The following SEMA3A variants were observed in gnomAD, a reference collection of about 807,000 sequenced individuals.
SEMA3A encodes the protein semaphorin-3A.
Under a neutral mutation model 97.9 loss-of-function variants are expected in SEMA3A, and 29 were observed. The observed-to-expected ratio is 0.30, with a 90% confidence interval of 0.22 to 0.40. SEMA3A has a LOEUF of 0.40. Ranked by LOEUF, SEMA3A falls within the 10% of genes least tolerant of loss-of-function variation. The pLI is 1.00. For synonymous variants in SEMA3A, 321 were observed against 323.7 expected (o/e 0.99, Z 0.09); for missense variants, 763 against 951.3 (o/e 0.80, Z 2.60).
intron 1 of SEMA3A, among the ~76,000 whole-genome samples, chr7:84,164,002 C>T (rs1046029404): frequency 5.3e-5 from 8 of 152,032 alleles, no homozygotes; most frequent in African/African-American, 1.7e-4. Flanking sequence ...TGTGCCACCA[C>T]GCCCAGCTAA....
intron 1 of SEMA3A, among the ~76,000 whole-genome samples, chr7:84,398,572 G>A (rs1305649605): frequency 6.6e-6 from 1 of 152,090 alleles, no homozygotes; most frequent in African/African-American, 2.4e-5. Flanking sequence ...AGTCTGGGCA[G>A]TATAGCAAGA....
rs117111678 is a variant in SEMA3A at position 84,119,899 on chromosome 7, C to G, written c.333+9224G>C. 3.1e-3 allele frequency among the ~76,000 whole-genome samples: 478 copies of G among 152,128 alleles called. 2 individuals are homozygous for G. Among genetic ancestry groups the G allele is most frequent in the Middle Eastern group, 6.8e-3 (2 of 294 alleles). On this transcript the variant is annotated intron_variant, in intron 3 of 16. Coordinates refer to ENST00000265362, the MANE Select transcript of SEMA3A (RefSeq NM_006080.3). Reference sequence around the variant, plus strand: ...ACTTACTGTACTCTAAAAGTATGTACACTGATGCATGGATGAATTATGGTG... The same window carrying G: ...ACTTACTGTACTCTAAAAGTATGTAGACTGATGCATGGATGAATTATGGTG...
At chr7:84,228,763 C>T (rs576091094) in intron 3 of SEMA3A, among the ~76,000 whole-genome samples, 1 of 152,104 alleles carries the variant, frequency 6.6e-6, no homozygotes, top group African/African-American at 2.4e-5. Context: ...TGCAGGATTT[C>T]ATGGGCTGAC....
chr7:83,980,946 A>G (rs1307188913), intron 14 of SEMA3A, among the ~76,000 whole-genome samples: 4 of 152,158 alleles, frequency 2.6e-5, no homozygotes, highest in African/African-American at 9.7e-5. Flanking sequence ...AAGACTCTAA[A>G]GGAAAATAAA....
At chr7:84,118,697 T>C (rs1795507684) in intron 3 of SEMA3A, among the ~76,000 whole-genome samples, 1 of 152,118 alleles carries the variant, frequency 6.6e-6, no homozygotes, top group South Asian at 2.1e-4. Context: ...GACACTATGG[T>C]CTTAGTTTGT....
intron 1 of SEMA3A, among the ~76,000 whole-genome samples, chr7:84,429,628 C>T (rs899534373): frequency 2.1e-5 from 3 of 144,862 alleles, no homozygotes; most frequent in African/African-American, 7.7e-5. Context: ...CTTTTTCCTG[C>T]CCTGGTCATC....
chr7:84,209,653 A>T (rs550461005), intron 3 of SEMA3A, among the ~76,000 whole-genome samples: 1 of 152,324 alleles, frequency 6.6e-6, no homozygotes, highest in Non-Finnish European at 1.5e-5. Flanking sequence ...GTTAGGAGTA[A>T]GAATTTAATG....
At chr7:84,083,492 A>C (rs1326194258) in intron 4 of SEMA3A, among the ~76,000 whole-genome samples, 1 of 151,914 alleles carries the variant, frequency 6.6e-6, no homozygotes, top group African/African-American at 2.4e-5. Flanking sequence ...TTTGAAATAC[A>C]CAATAAATTA....
At chr7:84,070,691 C>T (rs1793708558) in intron 4 of SEMA3A, among the ~76,000 whole-genome samples, 1 of 152,076 alleles carries the variant, frequency 6.6e-6, no homozygotes, top group South Asian at 2.1e-4. Flanking sequence ...TCACAAAAGA[C>T]ACTTTGTATG....
chr7:84,058,329 T>C (rs988295879), intron 5 of SEMA3A, among the ~76,000 whole-genome samples: 4 of 152,172 alleles, frequency 2.6e-5, no homozygotes, highest in African/African-American at 9.6e-5. Context: ...AGACAGCTGT[T>C]ACCCTTGTAT....
chr7:84,074,811 TA>T (rs1793877579), intron 4 of SEMA3A, among the ~76,000 whole-genome samples: 1 of 149,338 alleles, frequency 6.7e-6, no homozygotes, highest in Admixed American at 6.7e-5. Flanking sequence ...TAACAACCAC[TA>T]TTTTTTCAAA....
At chr7:84,172,515 G>A (rs1241959307) in intron 1 of SEMA3A, among the ~76,000 whole-genome samples, 1 of 152,052 alleles carries the variant, frequency 6.6e-6, no homozygotes, top group African/African-American at 2.4e-5. Flanking sequence ...TCCGCCTCCT[G>A]GGTTCACGCC....
At position 84,037,850 on chromosome 7, in the gene SEMA3A, T is replaced by C. The variant is rs532913241; in HGVS notation, c.667+8474A>G. 4.6e-5 allele frequency among the ~76,000 whole-genome samples: 7 copies of C among 152,158 alleles called. No homozygotes were observed. In the South Asian group the frequency reaches 1.2e-3, roughly 27 times the overall value. On this transcript the variant is annotated intron_variant, in intron 6 of 16. Transcript: ENST00000265362. ...ATAATAAGAAAGTACCATAGGAAAC[T>C]GATATACGGCTGAGAACAAGGACTT...
chr7:83,979,421 G>C (rs940735637), intron 14 of SEMA3A, among the ~76,000 whole-genome samples: 1 of 151,914 alleles, frequency 6.6e-6, no homozygotes, highest in African/African-American at 2.4e-5. Flanking sequence ...TGTGAGCCAC[G>C]GTGTCGGGCT....
chr7:84,210,905 C>A (rs1160634435), intron 3 of SEMA3A, among the ~76,000 whole-genome samples: 2 of 151,958 alleles, frequency 1.3e-5, no homozygotes, highest in African/African-American at 2.4e-5. Context: ...CAGGCTTAAG[C>A]ATTGCAAATA....
At chr7:83,965,668 T>TATATATA (rs1562943642) in intron 15 of SEMA3A, among the ~76,000 whole-genome samples, 1 of 22,416 alleles carries the variant, frequency 4.5e-5, no homozygotes, top group Non-Finnish European at 8.1e-5. Context: ...ATATATATAT[T>TATATATA]TTTTTTTTTT....
chr7:84,189,837 T>C (rs1797987268), intron 1 of SEMA3A, among the ~76,000 whole-genome samples: 1 of 151,652 alleles, frequency 6.6e-6, no homozygotes, highest in Non-Finnish European at 1.5e-5. Flanking sequence ...CCCCAAATTA[T>C]AATACATGAT....
intron 5 of SEMA3A, 145 bp from the exon 6 acceptor site, chr7:84,046,588 T>C (rs1174159473): frequency 7.1e-5 from 59 of 827,468 alleles, no homozygotes; most frequent in Non-Finnish European, 1.1e-4. Flanking sequence ...ATGCAGTTAC[T>C]TATTTTTTAT....
chr7:84,233,352 C>T (rs139827237), intron 3 of SEMA3A, among the ~76,000 whole-genome samples: 51 of 152,038 alleles, frequency 3.4e-4, no homozygotes, highest in African/African-American at 1.2e-3. Flanking sequence ...TATAACCTCA[C>T]TGTTCTTTGT....
Sources: gnomAD v4.1 joint callset for allele counts (sites outside exome capture counted in the v4.1 genomes callset) on GRCh38, gnomAD v4.1.1 for gene constraint, MANE v1.5 for transcripts, NCBI Gene and HGNC (gene_info 2026-07-23, HGNC 2026-07-21) for gene names.